Variants in LRRFIP1 observed in about 807,000 individuals in gnomAD.
LRRFIP1 encodes LRR binding FLII interacting protein 1.
Under a neutral mutation model 104.4 loss-of-function variants are expected in LRRFIP1, and 62 were observed. The ratio of observed to expected loss-of-function variants is 0.59; its 90% CI spans 0.48 to 0.73. The LOEUF is 0.73. LRRFIP1 is among the 30% of genes least tolerant of loss of function. The pLI is 0.00. For missense variants in LRRFIP1, 796 were observed against 824.5 expected, an observed-to-expected ratio of 0.97 and a Z score of 0.42; for synonymous variants, 300 against 299.0, an observed-to-expected ratio of 1.00 and a Z score of -0.03.
Position 237,713,000 on chromosome 2 carries a change from T to A in LRRFIP1, c.184-1259T>A, listed in dbSNP as rs2150079531. ...AAAAATTGAGAAACCTGATCCCTGT[T>A]TTCATCGGGGTCACAAGCCATCCCA... is the stretch of plus-strand genomic sequence containing the variant. On this transcript the variant is annotated intron_variant, in intron 2 of 23. Coordinates refer to ENST00000308482, the MANE Select transcript of LRRFIP1 (RefSeq NM_001137550.2). Among the ~76,000 whole-genome samples, 2 of 152,122 alleles carry A rather than the reference T, an allele frequency of 1.3e-5. 1 individual carries two copies. The highest frequency in any genetic ancestry group is 4.2e-4 in the South Asian group (2 of 4,812).
intron 22 of LRRFIP1, 123 bp from the exon 23 acceptor site, chr2:237,774,235 A>T (rs1326763614): frequency 3.1e-6 from 2 of 652,542 alleles, no homozygotes; most frequent in African/African-American, 3.7e-5. Flanking sequence ...AAAATGTTAT[A>T]AGTATTTACA....
chr2:237,687,978 T>G (rs1424880933), intron 1 of LRRFIP1, among the ~76,000 whole-genome samples: 1 of 152,250 alleles, frequency 6.6e-6, no homozygotes, highest in African/African-American at 2.4e-5. Context: ...GGCTAACTGT[T>G]CTGGCATTTT....
intron 1 of LRRFIP1, among the ~76,000 whole-genome samples, chr2:237,675,170 C>A (rs2090966188): frequency 6.6e-6 from 1 of 152,240 alleles, no homozygotes; most frequent in Non-Finnish European, 1.5e-5. Context: ...TCCAAGCCTT[C>A]TGGGACCATC....
At position 237,781,323 on chromosome 2, in the gene LRRFIP1, C is replaced by T. The variant is rs561842066; in HGVS notation, c.*1791C>T. 5.6e-4 allele frequency among the ~76,000 whole-genome samples: 85 copies of T among 152,284 alleles called. No individual in the cohort carries two copies. Among genetic ancestry groups the T allele is most frequent in the African/African-American group, 1.8e-3 (73 of 41,556 alleles). On this transcript the variant is annotated 3_prime_UTR_variant, in exon 24 of 24. Coordinates refer to ENST00000308482, the MANE Select transcript of LRRFIP1 (RefSeq NM_001137550.2). ...CATATTTTCACTCATTTCATTTGCA[C>T]GGAAATTCTATGAGGTAGATGCTGT...
At position 237,649,460 on chromosome 2, in the gene LRRFIP1, C is replaced by A. The variant is rs893193808; in HGVS notation, c.96+21720C>A. Among the ~76,000 whole-genome samples, 3 of 151,806 alleles carry A rather than the reference C, an allele frequency of 2.0e-5. No individual in the cohort carries two copies. The East Asian group carries it at 5.8e-4, about 29-fold the overall frequency. ...GCGGGAGAATTGCTTGAGCCCAGGACGTGGAGGCTGCAGTGAGCCAAGATT... is the reference window on the plus strand; with the variant it reads ...GCGGGAGAATTGCTTGAGCCCAGGAAGTGGAGGCTGCAGTGAGCCAAGATT... On this transcript the variant is annotated intron_variant, in intron 1 of 23. Transcript: ENST00000308482. The surrounding 1 kb of genome is among the most constrained non-coding windows in gnomAD (Gnocchi z 4.1).
chr2:237,718,761 G>A (rs1020582742), intron 4 of LRRFIP1, among the ~76,000 whole-genome samples: 1 of 152,006 alleles, frequency 6.6e-6, no homozygotes, highest in Non-Finnish European at 1.5e-5. Flanking sequence ...TTACGTACTG[G>A]GTATAAAAGA....
chr2:237,690,496 G>C (rs1432161235), intron 1 of LRRFIP1, among the ~76,000 whole-genome samples: 1 of 152,054 alleles, frequency 6.6e-6, no homozygotes, highest in Non-Finnish European at 1.5e-5. Flanking sequence ...CAGCACTTTC[G>C]GAGGCCAAGG....
intron 1 of LRRFIP1, among the ~76,000 whole-genome samples, chr2:237,655,526 G>A (rs1053734446): frequency 2.0e-5 from 3 of 152,130 alleles, no homozygotes; most frequent in Admixed American, 6.6e-5. Flanking sequence ...ATCTCACATC[G>A]CTGAGTGCTA....
chr2:237,776,787 T>C (rs1473215444), intron 23 of LRRFIP1, among the ~76,000 whole-genome samples: 2 of 152,198 alleles, frequency 1.3e-5, no homozygotes, highest in Non-Finnish European at 2.9e-5. Flanking sequence ...TGTGTTGTTA[T>C]GCGTTAGATG....
chr2:237,742,190 G>A (rs143092835), intron 11 of LRRFIP1, among the ~76,000 whole-genome samples: 206 of 152,352 alleles, frequency 1.4e-3, no homozygotes, highest in Non-Finnish European at 1.9e-3. Flanking sequence ...TAAACAGAAA[G>A]ATGTGAGTTC....
At chr2:237,682,471 G>C (rs1455484202) in intron 1 of LRRFIP1, among the ~76,000 whole-genome samples, 1 of 152,210 alleles carries the variant, frequency 6.6e-6, no homozygotes. Flanking sequence ...TTGGAGCTTT[G>C]AGGCCTTCTG....
At chr2:237,645,891 A>G (rs1443809173) in intron 1 of LRRFIP1, among the ~76,000 whole-genome samples, 1 of 151,972 alleles carries the variant, frequency 6.6e-6, no homozygotes, top group Non-Finnish European at 1.5e-5. Flanking sequence ...AGCCCTGTCC[A>G]CTGGGTTCTA....
intron 21 of LRRFIP1, chr2:237,772,408 A>G: frequency 1.9e-6 from 1 of 515,770 alleles, no homozygotes; most frequent in Non-Finnish European, 3.4e-6. Context: ...GTACCCAAAA[A>G]CGTGCACCAA....
At chr2:237,627,763 C>A (rs1574957810) in intron 1 of LRRFIP1, 23 bp downstream of exon 1, 1 of 1,207,358 alleles carries the variant, frequency 8.3e-7, no homozygotes, top group Non-Finnish European at 1.0e-6. Context: ...GGAGGGCAGC[C>A]GGGGGGCGCC....
rs548953805 is a variant in LRRFIP1 at position 237,680,104 on chromosome 2, A to C, written c.97-28440A>C. Among the ~76,000 whole-genome samples, 8 of 152,308 alleles carry C rather than the reference A, an allele frequency of 5.3e-5. No individual in the cohort carries two copies. The South Asian group carries it at 1.7e-3, about 32-fold the overall frequency. ...AAGACACGGATCCATCCCCAAATAA[A>C]TGATAAATACAGTTGGCCCTTTGTG... On this transcript the variant is annotated intron_variant, in intron 1 of 23. Coordinates refer to ENST00000308482, the MANE Select transcript of LRRFIP1 (RefSeq NM_001137550.2).
Position 237,714,253 on chromosome 2 carries a change from C to A in LRRFIP1, c.184-6C>A. The A allele has an allele frequency of 6.3e-7, 1 of 1,592,888 alleles. No individual in the cohort carries two copies. ...CATTTCTTTTTTCTTCTGTCCTTCTCTATAGATCTATCAGGTCCAAAAGGT... is the reference window on the plus strand; with the variant it reads ...CATTTCTTTTTTCTTCTGTCCTTCTATATAGATCTATCAGGTCCAAAAGGT... On this transcript the variant is annotated splice_region_variant and splice_polypyrimidine_tract_variant and intron_variant, in intron 2 of 23. Coordinates refer to ENST00000308482, the MANE Select transcript of LRRFIP1 (RefSeq NM_001137550.2).
intron 16 of LRRFIP1, 148 bp from the exon 17 acceptor site, chr2:237,757,308 C>T: frequency 1.9e-6 from 1 of 530,518 alleles, no homozygotes; most frequent in Non-Finnish European, 3.4e-6. Context: ...GAAAAAAATC[C>T]TAGAATGCTG....
chr2:237,712,494 A>G (rs746309960), intron 2 of LRRFIP1, among the ~76,000 whole-genome samples: 4 of 152,254 alleles, frequency 2.6e-5, no homozygotes, highest in Non-Finnish European at 5.9e-5. Context: ...GGAATATGAA[A>G]CATAAAATAT....
chr2:237,677,291 G>T (rs1205099012), intron 1 of LRRFIP1, among the ~76,000 whole-genome samples: 1 of 152,186 alleles, frequency 6.6e-6, no homozygotes, highest in Non-Finnish European at 1.5e-5. Context: ...TACAGCATTT[G>T]TCCTTTTGTG....
Sources: gnomAD v4.1 joint callset for allele counts (sites outside exome capture counted in the v4.1 genomes callset) on GRCh38, gnomAD v4.1.1 for gene constraint, Gnocchi (gnomAD v3.1) non-coding constraint, MANE v1.5 for transcripts, NCBI Gene and HGNC (gene_info 2026-07-23, HGNC 2026-07-21) for gene names.